Variants in AVEN observed in about 807,000 individuals in gnomAD.
AVEN encodes cell death regulator Aven.
AVEN carries 41 observed loss-of-function variants against 38.1 expected under a neutral mutation model. That is an observed-to-expected ratio of 1.08 (90% confidence interval 0.84 to 1.40). The LOEUF (loss-of-function observed/expected upper bound fraction) is 1.40, where lower values mean the gene tolerates loss of function less well. Among genes scored for constraint, AVEN ranks in the 40% most tolerant of loss-of-function variants. AVEN has a pLI of 0.00. For synonymous variants in AVEN, 206 were observed against 171.8 expected, an observed-to-expected ratio of 1.20 and a Z score of -1.56; for missense variants, 605 against 438.8, an observed-to-expected ratio of 1.38 and a Z score of -3.38.
intron 1 of AVEN, among the ~76,000 whole-genome samples, chr15:34,017,599 T>C (rs967708807): frequency 6.6e-6 from 1 of 150,828 alleles, no homozygotes; most frequent in African/African-American, 2.4e-5. Flanking sequence ...CCTGCCTGAG[T>C]CTCTCAAGTA....
chr15:34,043,242 G>A (rs566552468), upstream of AVEN, among the ~76,000 whole-genome samples: 36 of 147,044 alleles, frequency 2.4e-4, no homozygotes, highest in African/African-American at 8.2e-4. Flanking sequence ...GCAAGAATCC[G>A]TCTCAAAAAA....
intron 2 of AVEN, among the ~76,000 whole-genome samples, chr15:33,909,736 C>G (rs1340327259): frequency 1.3e-5 from 2 of 152,122 alleles, no homozygotes; most frequent in East Asian, 3.8e-4. Context: ...TTTGGAATGG[C>G]TACAATTATT....
chr15:34,057,944 A>C (rs887527323), intron 5 of AVEN, among the ~76,000 whole-genome samples: 1 of 152,186 alleles, frequency 6.6e-6, no homozygotes, highest in Admixed American at 6.5e-5. Context: ...TATTCCATTT[A>C]TCAGAGAGAG....
At chr15:33,858,124 C>T (rs901574904), downstream of AVEN, 1 of 638,416 alleles carries the variant, frequency 1.6e-6, no homozygotes, top group Non-Finnish European at 2.6e-6. Context: ...GTTTTCATTA[C>T]CACACATCTA....
At chr15:34,069,005 G>T (rs1487455299) in intron 2 of AVEN, among the ~76,000 whole-genome samples, 1 of 151,764 alleles carries the variant, frequency 6.6e-6, no homozygotes, top group East Asian at 2.0e-4. Flanking sequence ...TAGAGACGGG[G>T]TTTCACCGTG....
chr15:33,928,805 G>A (rs2153050033), intron 2 of AVEN, among the ~76,000 whole-genome samples: 1 of 152,234 alleles, frequency 6.6e-6, no homozygotes, highest in Non-Finnish European at 1.5e-5. Flanking sequence ...GTAGCCCTGG[G>A]TCTAAAATCA....
chr15:33,930,410 G>A (rs2153050523), intron 2 of AVEN, among the ~76,000 whole-genome samples: 1 of 151,684 alleles, frequency 6.6e-6, no homozygotes, highest in South Asian at 2.1e-4. Flanking sequence ...TTCAGTTTAA[G>A]CCAAGTAAAC....
intron 5 of AVEN, chr15:34,062,853 G>T: frequency 1.9e-6 from 3 of 1,614,222 alleles, no homozygotes; most frequent in Non-Finnish European, 2.5e-6. Flanking sequence ...GATCACCATT[G>T]TGGGCAATGT....
chr15:33,888,533 A>G (rs16958247), intron 2 of AVEN, among the ~76,000 whole-genome samples: 13,255 of 152,254 alleles, frequency 0.087, 874 homozygotes, highest in African/African-American at 0.18. Context: ...TAAAATGTGA[A>G]CAAGGTAAAG....
intron 2 of AVEN, among the ~76,000 whole-genome samples, chr15:33,931,766 G>A (rs1893863024): frequency 6.6e-6 from 1 of 152,080 alleles, no homozygotes; most frequent in African/African-American, 2.4e-5. Flanking sequence ...AAAGAGCTTG[G>A]TCATTAGAAT....
At chr15:33,905,851 T>C (rs1289734014) in intron 2 of AVEN, among the ~76,000 whole-genome samples, 1 of 150,836 alleles carries the variant, frequency 6.6e-6, no homozygotes, top group Non-Finnish European at 1.5e-5. Context: ...AAAGGTAAAA[T>C]TCACTCCCAG....
At chr15:33,892,552 T>C (rs527877878) in intron 2 of AVEN, among the ~76,000 whole-genome samples, 13 of 152,328 alleles carry the variant, frequency 8.5e-5, no homozygotes, top group African/African-American at 3.1e-4. Flanking sequence ...TGTGGTGTTA[T>C]TTCTGAGGGC....
intron 2 of AVEN, among the ~76,000 whole-genome samples, chr15:33,903,395 TTTGAAC>T (rs1255508758): frequency 2.0e-5 from 3 of 152,194 alleles, no homozygotes; most frequent in Non-Finnish European, 2.9e-5. Flanking sequence ...CCTTCTAGTT[TTTGAAC>T]ACAGTCCCTG....
chr15:33,915,859 G>C (rs1597226567), intron 2 of AVEN, among the ~76,000 whole-genome samples: 1 of 152,200 alleles, frequency 6.6e-6, no homozygotes, highest in Non-Finnish European at 1.5e-5. Flanking sequence ...TGGTGGGAAT[G>C]AGACTGGCCT....
chr15:33,902,438 C>T (rs1178998438), intron 2 of AVEN, among the ~76,000 whole-genome samples: 47 of 152,164 alleles, frequency 3.1e-4, no homozygotes, highest in Admixed American at 3.1e-3. Flanking sequence ...AGTTCCTCAA[C>T]ATAATAAAGG....
chr15:33,930,197 T>C (rs1893787593), intron 2 of AVEN, among the ~76,000 whole-genome samples: 1 of 152,210 alleles, frequency 6.6e-6, no homozygotes, highest in Non-Finnish European at 1.5e-5. Flanking sequence ...CCTTCTGGTC[T>C]ATTGTTTCCT....
chr15:33,976,410 A>C (rs965498245), intron 2 of AVEN, among the ~76,000 whole-genome samples: 2 of 152,126 alleles, frequency 1.3e-5, no homozygotes, highest in African/African-American at 4.8e-5. Context: ...CTTGAGATTC[A>C]ATTTTAAGTA....
intron 2 of AVEN, among the ~76,000 whole-genome samples, chr15:33,932,431 TTTGCAAGATTAAC>T (rs1381321868): frequency 6.6e-6 from 1 of 152,208 alleles, no homozygotes; most frequent in Non-Finnish European, 1.5e-5. Context: ...GGTACACGTT[TTTGCAAGATTAAC>T]TCTATGAGGA....
chr15:33,855,831 A>G (rs2079600920), downstream of AVEN: 1 of 152,228 alleles, frequency 6.6e-6, no homozygotes, highest in African/African-American at 2.4e-5. Flanking sequence ...GACTGGATAT[A>G]GCAACGGCTA....
Sources: gnomAD v4.1 joint callset for allele counts (sites outside exome capture counted in the v4.1 genomes callset) on GRCh38, gnomAD v4.1.1 for gene constraint, MANE v1.5 for transcripts, NCBI Gene and HGNC (gene_info 2026-07-23, HGNC 2026-07-21) for gene names.